XRCC6: variants seen among roughly 807,000 people sequenced by gnomAD.
The protein encoded by XRCC6 is DNA repair protein Ku70.
XRCC6 carries 5 observed loss-of-function variants against 65.7 expected under a neutral mutation model. The ratio of observed to expected loss-of-function variants is 0.08; its 90% CI spans 0.04 to 0.16. XRCC6 has a LOEUF of 0.16. Ranked by LOEUF, XRCC6 falls within the 10% of genes least tolerant of loss-of-function variation. XRCC6 has a pLI of 1.00. For missense variants in XRCC6, 447 were observed against 738.1 expected, an observed-to-expected ratio of 0.61 and a Z score of 4.57; for synonymous variants, 270 against 270.6, an observed-to-expected ratio of 1.00 and a Z score of 0.02.
Position 41,647,043 on chromosome 22 carries a change from A to T in XRCC6, c.921A>T (p.Thr307=). Residue 307 remains threonine, a synonymous_variant, in exon 7 of 13, where the codon ACA becomes ACT. Coordinates refer to ENST00000360079, the MANE Select transcript of XRCC6 (RefSeq NM_001469.5). ...AGACCCGGACCTTTAATACAAGTAC[A>T]GGCGGTTTGCTTCTGCCTAGCGATA... The part of the protein sequence containing the change: ...KTKTRTFNTS[T]GGLLLPSDTK... 2 of 1,614,176 alleles carry T rather than the reference A, an allele frequency of 1.2e-6. No homozygotes were observed. The highest frequency in any genetic ancestry group is 1.7e-6 in the Non-Finnish European group (2 of 1,180,040).
At chr22:41,656,751 A>G (rs907005873) in intron 9 of XRCC6, 152 bp from the exon 10 acceptor site, 1 of 935,816 alleles carries the variant, frequency 1.1e-6, no homozygotes, top group African/African-American at 1.7e-5. Context: ...TAGGCAGATG[A>G]TAACAAAAAC....
chr22:41,644,688 C>T (rs1026292559), intron 6 of XRCC6, among the ~76,000 whole-genome samples: 17 of 151,902 alleles, frequency 1.1e-4, no homozygotes, highest in Admixed American at 7.9e-4. Context: ...GGGGTTTCAC[C>T]GTGTTGCCCA....
At chr22:41,622,158 G>A in intron 2 of XRCC6, 72 bp downstream of exon 2, 3 of 1,515,862 alleles carry the variant, frequency 2.0e-6, no homozygotes, top group South Asian at 2.3e-5. Flanking sequence ...TCTGCTGGAT[G>A]GACTTTGCTG....
At chr22:41,630,303 G>A (rs2147072646) in intron 3 of XRCC6, among the ~76,000 whole-genome samples, 1 of 151,572 alleles carries the variant, frequency 6.6e-6, no homozygotes, top group Admixed American at 6.6e-5. Flanking sequence ...TTTTGAGATG[G>A]TGTCTCACTA....
intron 8 of XRCC6, among the ~76,000 whole-genome samples, chr22:41,652,896 A>G (rs1478029819): frequency 6.7e-6 from 1 of 149,780 alleles, no homozygotes; most frequent in Non-Finnish European, 1.5e-5. Context: ...TTGGTCTCGA[A>G]CTCCTGACCT....
intron 7 of XRCC6, among the ~76,000 whole-genome samples, chr22:41,649,253 A>G (rs1601549094): frequency 6.7e-6 from 1 of 149,058 alleles, no homozygotes; most frequent in East Asian, 2.0e-4. Flanking sequence ...TGTAGCTTCA[A>G]CCTCTTGGGT....
chr22:41,625,178 G>T (rs530275324), intron 2 of XRCC6, among the ~76,000 whole-genome samples: 94 of 152,202 alleles, frequency 6.2e-4, no homozygotes, highest in African/African-American at 2.3e-3. Flanking sequence ...GGTAGCGCAT[G>T]CCTGTAATCC....
chr22:41,637,476 C>A, intron 5 of XRCC6, 132 bp from the exon 6 acceptor site: 1 of 819,426 alleles, frequency 1.2e-6, no homozygotes. Flanking sequence ...GTCACTTTTT[C>A]TAAGTCCTGA....
intron 7 of XRCC6, among the ~76,000 whole-genome samples, chr22:41,649,126 C>CAAAAAAA (rs1335320703): frequency 6.3e-4 from 57 of 90,198 alleles, no homozygotes; most frequent in African/African-American, 2.1e-3. Context: ...GAAGAGAGTA[C>CAAAAAAA]AAAAAAAAAA....
At chr22:41,649,139 A>AAAAATATATATATATATATATATAT in intron 7 of XRCC6, among the ~76,000 whole-genome samples, 5 of 88,722 alleles carry the variant, frequency 5.6e-5, no homozygotes, top group Non-Finnish European at 8.3e-5. Flanking sequence ...AAAAAAAAAA[A>AAAAATATATATATATATATATATAT]ATATATATAT....
intron 12 of XRCC6, among the ~76,000 whole-genome samples, chr22:41,662,081 T>A (rs982355075): frequency 3.9e-5 from 6 of 152,042 alleles, no homozygotes; most frequent in African/African-American, 1.2e-4. Flanking sequence ...AGAAGGGTAG[T>A]GAGGCATTGT....
At chr22:41,642,613 T>G (rs756169595) in intron 6 of XRCC6, among the ~76,000 whole-genome samples, 2 of 152,194 alleles carry the variant, frequency 1.3e-5, no homozygotes, top group African/African-American at 2.4e-5. Context: ...GTGAAGAATG[T>G]CATTGGTATT....
In XRCC6 at chr22:41,646,885, T is replaced by C. The variant is rs200187056; in HGVS notation, c.774-11T>C. On this transcript the variant is annotated splice_polypyrimidine_tract_variant and intron_variant, in intron 6 of 12. Coordinates refer to ENST00000360079, the MANE Select transcript of XRCC6 (RefSeq NM_001469.5). The stretch of plus-strand genomic sequence containing the variant: ...TTTCAGTTCATGCTCTTTCATTTTT[T>C]ACTCCCTCAGGTTAAAGCTGAAGCT... The C allele has an allele frequency of 4.4e-6, 7 of 1,573,458 alleles. No individual in the cohort carries two copies. In the East Asian group the frequency reaches 6.7e-5, roughly 15 times the overall value.
chr22:41,639,443 C>A (rs2067850358), intron 6 of XRCC6, among the ~76,000 whole-genome samples: 1 of 144,490 alleles, frequency 6.9e-6, no homozygotes, highest in South Asian at 2.2e-4. Flanking sequence ...CAGTGATCGC[C>A]CCATATCAGT....
rs559189965 is a variant in XRCC6 at position 41,663,958 on chromosome 22, T to C, written c.*143T>C. The C allele has an allele frequency of 6.5e-4, 586 of 900,700 alleles. No individual in the cohort carries two copies. Among genetic ancestry groups the C allele is most frequent in the Non-Finnish European group, 7.1e-4 (427 of 598,824 alleles). 55.8% of individuals were successfully genotyped at this position (900,700 alleles called of 1,614,324 possible). A position where few individuals can be genotyped will look rare whatever the true frequency, so the allele number is the denominator to read the frequency against. ...GGGACTTTATGTTTTTGAGGCTTTC[T>C]GTTGCCATGGTGATGGTGTAGCCCT... is the stretch of plus-strand genomic sequence containing the variant. On this transcript the variant is annotated 3_prime_UTR_variant, in exon 13 of 13. Coordinates refer to ENST00000360079, the MANE Select transcript of XRCC6 (RefSeq NM_001469.5).
chr22:41,644,394 A>G (rs66700098), intron 6 of XRCC6, among the ~76,000 whole-genome samples: 6,114 of 152,198 alleles, frequency 0.04, 265 homozygotes, highest in African/African-American at 0.093. Flanking sequence ...AAGAATGTGT[A>G]TCATGGGTTA....
intron 2 of XRCC6, among the ~76,000 whole-genome samples, chr22:41,626,397 T>A (rs549877619): frequency 1.3e-5 from 2 of 152,324 alleles, no homozygotes; most frequent in South Asian, 4.1e-4. Flanking sequence ...TGCCTCGGCC[T>A]CCCAAAGTGC....
chr22:41,653,980 C>G (rs28384766), intron 9 of XRCC6, among the ~76,000 whole-genome samples: 10,337 of 152,186 alleles, frequency 0.068, 1,132 homozygotes, highest in African/African-American at 0.24. Flanking sequence ...TGGGACCTCA[C>G]TGCCGACACC....
At chr22:41,639,859 C>G (rs183455373) in intron 6 of XRCC6, among the ~76,000 whole-genome samples, 1 of 151,424 alleles carries the variant, frequency 6.6e-6, no homozygotes, top group East Asian at 2.0e-4. Flanking sequence ...ACGGTTTCAC[C>G]GTGTTAGCCA....
Sources: gnomAD v4.1 joint callset for allele counts (sites outside exome capture counted in the v4.1 genomes callset) on GRCh38, gnomAD v4.1.1 for gene constraint, MANE v1.5 for transcripts, NCBI Gene and HGNC (gene_info 2026-07-23, HGNC 2026-07-21) for gene names.